Variants in GXYLT1 observed in about 807,000 individuals in gnomAD.
The protein encoded by GXYLT1 is glucoside xylosyltransferase 1.
In GXYLT1, 29 loss-of-function variants were observed where a neutral mutation model predicts 54.0. That is an observed-to-expected ratio of 0.54 (90% confidence interval 0.40 to 0.73). The LOEUF (loss-of-function observed/expected upper bound fraction) is 0.73, where lower values mean the gene tolerates loss of function less well. Among genes scored for constraint, GXYLT1 ranks in the 30% least tolerant of loss-of-function variants. The pLI is 0.00. For missense variants in GXYLT1, 490 were observed against 553.4 expected (o/e 0.89, Z 1.15); for synonymous variants, 176 against 204.1 (o/e 0.86, Z 1.17).
At chr12:42,120,766 C>A (rs1457477848) in intron 2 of GXYLT1, among the ~76,000 whole-genome samples, 2 of 152,100 alleles carry the variant, frequency 1.3e-5, no homozygotes, top group African/African-American at 2.4e-5. Context: ...GAACTCCTGG[C>A]CTCAAGGGAT....
intron 1 of GXYLT1, among the ~76,000 whole-genome samples, chr12:42,137,294 G>T (rs2065625063): frequency 6.6e-6 from 1 of 151,938 alleles, no homozygotes; most frequent in Non-Finnish European, 1.5e-5. Flanking sequence ...GGATCACAAA[G>T]TCAGGAGATC....
At chr12:42,108,888 G>C (rs376094500) in intron 4 of GXYLT1, among the ~76,000 whole-genome samples, 5 of 151,992 alleles carry the variant, frequency 3.3e-5, no homozygotes, top group African/African-American at 9.7e-5. Flanking sequence ...CTGCAAAACT[G>C]TAAGTATTTA....
rs1297404189 is a variant in GXYLT1, at chr12:42,083,478, C to A, written c.*4308G>T. The A allele has an allele frequency of 6.6e-6, 1 of 152,080 alleles. No individual in the cohort carries two copies. The highest frequency in any genetic ancestry group is 2.4e-5 in the African/African-American group (1 of 41,444). The allele number at this position is 152,080 out of a possible 1,614,324, so 9.4% of individuals were successfully genotyped here. A position where few individuals can be genotyped will look rare whatever the true frequency, so the allele number is the denominator to read the frequency against. ...CTGGCCCCACACCTGACATATTGCA[C>A]CCCTACTTTTCTTCTCTACTCTAAG... On this transcript the variant is annotated 3_prime_UTR_variant, in exon 8 of 8. Transcript: ENST00000398675.
intron 7 of GXYLT1, among the ~76,000 whole-genome samples, chr12:42,092,223 G>T (rs923330085): frequency 6.6e-6 from 1 of 152,158 alleles, no homozygotes; most frequent in African/African-American, 2.4e-5. Flanking sequence ...GGAAACGGGG[G>T]TCATCAGCTT....
intron 2 of GXYLT1, among the ~76,000 whole-genome samples, chr12:42,125,956 G>A (rs2065558630): frequency 6.6e-6 from 1 of 152,132 alleles, no homozygotes; most frequent in Non-Finnish European, 1.5e-5. Flanking sequence ...GAGCCCAGGA[G>A]GTCCAGGCAG....
chr12:42,089,171 G>A (rs963060822), intron 7 of GXYLT1, among the ~76,000 whole-genome samples: 10 of 152,008 alleles, frequency 6.6e-5, no homozygotes, highest in African/African-American at 2.2e-4. Flanking sequence ...ACTTAGCCAG[G>A]AACAATGTAA....
intron 2 of GXYLT1, among the ~76,000 whole-genome samples, chr12:42,121,452 C>T (rs1431236922): frequency 6.6e-6 from 1 of 151,970 alleles, no homozygotes; most frequent in Non-Finnish European, 1.5e-5. Flanking sequence ...GGTAACACAG[C>T]GAGACCCAGT....
chr12:42,127,856 A>G (rs148408389), intron 2 of GXYLT1, among the ~76,000 whole-genome samples: 98 of 152,366 alleles, frequency 6.4e-4, no homozygotes, highest in African/African-American at 2.1e-3. Context: ...GATTATCTTT[A>G]AAAGTTAATT....
At chr12:42,095,332 G>C (rs2065349649) in intron 7 of GXYLT1, among the ~76,000 whole-genome samples, 1 of 151,984 alleles carries the variant, frequency 6.6e-6, no homozygotes, top group Non-Finnish European at 1.5e-5. Flanking sequence ...ACTGTACATT[G>C]CTGCATTATT....
chr12:42,121,453 G>A (rs74316986), intron 2 of GXYLT1, among the ~76,000 whole-genome samples: 3,015 of 152,084 alleles, frequency 0.02, 102 homozygotes, highest in African/African-American at 0.07. Flanking sequence ...GTAACACAGC[G>A]AGACCCAGTA....
Position 42,109,933 on chromosome 12 carries a change from C to A in GXYLT1, c.487-242G>T, listed in dbSNP as rs74668386. 9.7e-3 allele frequency among the ~76,000 whole-genome samples: 1,476 copies of A among 152,282 alleles called. 26 individuals carry two copies. Among genetic ancestry groups the A allele is most frequent in the African/African-American group, 0.034 (1,414 of 41,562 alleles). ...GAAGCATAATGAAAGTTATCAGGGT[C>A]CAACTCCCAAAATCAGAAAGGTGAA... On this transcript the variant is annotated intron_variant, in intron 3 of 7. Coordinates refer to ENST00000398675, the MANE Select transcript of GXYLT1 (RefSeq NM_173601.2).
At chr12:42,104,950 T>G (rs577176734) in intron 5 of GXYLT1, among the ~76,000 whole-genome samples, 22 of 152,360 alleles carry the variant, frequency 1.4e-4, no homozygotes, top group Admixed American at 3.3e-4. Context: ...TACTGCTTAC[T>G]TCCTGTCACG....
At chr12:42,130,568 G>A (rs2065588256) in intron 1 of GXYLT1, among the ~76,000 whole-genome samples, 1 of 152,038 alleles carries the variant, frequency 6.6e-6, no homozygotes, top group African/African-American at 2.4e-5. Flanking sequence ...AGTATATAGA[G>A]ATTCCTCAAA....
chr12:42,100,956 T>C (rs1453356228), intron 5 of GXYLT1, among the ~76,000 whole-genome samples: 1 of 151,708 alleles, frequency 6.6e-6, no homozygotes, highest in African/African-American at 2.4e-5. Flanking sequence ...TATTTGAATA[T>C]ATATCTTACA....
At chr12:42,099,110 C>T (rs2065375150) in intron 5 of GXYLT1, among the ~76,000 whole-genome samples, 1 of 152,102 alleles carries the variant, frequency 6.6e-6, no homozygotes, top group African/African-American at 2.4e-5. Flanking sequence ...ACCCTAGTCT[C>T]CTGATGCCTC....
At chr12:42,143,542 C>A (rs1418455478) in intron 1 of GXYLT1, among the ~76,000 whole-genome samples, 5 of 152,178 alleles carry the variant, frequency 3.3e-5, no homozygotes, top group Admixed American at 6.5e-5. Context: ...TTCTCTATAT[C>A]AAAGCAGCAT....
intron 3 of GXYLT1, among the ~76,000 whole-genome samples, chr12:42,112,344 A>G (rs1243310518): frequency 6.6e-6 from 1 of 152,188 alleles, no homozygotes; most frequent in African/African-American, 2.4e-5. Flanking sequence ...AAACTACTCC[A>G]AGCTACAGGA....
chr12:42,124,091 TC>T (rs1375623035), intron 2 of GXYLT1, among the ~76,000 whole-genome samples: 1 of 149,950 alleles, frequency 6.7e-6, no homozygotes, highest in East Asian at 2.0e-4. Context: ...AATCTAAAAA[TC>T]CAACATGAAA....
At chr12:42,127,454 C>G (rs933303255) in intron 2 of GXYLT1, among the ~76,000 whole-genome samples, 1 of 152,080 alleles carries the variant, frequency 6.6e-6, no homozygotes, top group Non-Finnish European at 1.5e-5. Flanking sequence ...ATTTAGGTTA[C>G]AGGCACAAGG....
Sources: allele counts gnomAD v4.1 joint callset (sites outside exome capture counted in the v4.1 genomes callset), GRCh38; gene constraint gnomAD v4.1.1; transcripts MANE v1.5; gene names NCBI Gene and HGNC (gene_info 2026-07-23, HGNC 2026-07-21).